ZNF438: variants seen among roughly 807,000 people sequenced by gnomAD.
ZNF438 encodes zinc finger protein 438.
A neutral mutation model predicts 38.0 loss-of-function variants in ZNF438; 25 were observed. That is an observed-to-expected ratio of 0.66 (90% CI 0.48 to 0.92). The LOEUF (loss-of-function observed/expected upper bound fraction) is 0.92. Among genes scored for constraint, ZNF438 ranks in the 40% least tolerant of loss-of-function variants. The pLI is 0.00. For missense variants in ZNF438, 1,007 were observed against 999.6 expected (o/e 1.01, Z -0.10); for synonymous variants, 372 against 364.1 (o/e 1.02, Z -0.25).
At chr10:30,967,863 G>A (rs2050297796) in intron 1 of ZNF438, among the ~76,000 whole-genome samples, 1 of 152,162 alleles carries the variant, frequency 6.6e-6, no homozygotes, top group African/African-American at 2.4e-5. Flanking sequence ...AGTAAGATCA[G>A]AAGGAACTAC....
chr10:31,031,822 C>T lies in ZNF438; in HGVS notation c.-192+11G>A, dbSNP rs2057316597. Reference sequence around the variant, plus strand: ...AAGCCCTAGGAGCTGCAGGAATCCTCGTAAACTTACAGTTTTCCTACAGCG... The same window carrying T: ...AAGCCCTAGGAGCTGCAGGAATCCTTGTAAACTTACAGTTTTCCTACAGCG... On this transcript the variant is annotated intron_variant, in intron 1 of 5. Coordinates refer to ENST00000413025, the Ensembl canonical transcript of ZNF438. 6.5e-6 allele frequency: 1 copy of T among 152,804 alleles called. No individual in the cohort carries two copies. Among genetic ancestry groups the T allele is most frequent in the African/African-American group, 2.4e-5 (1 of 41,456 alleles). The allele number at this position is 152,804 out of a possible 1,614,324, so 9.5% of individuals were successfully genotyped here. A position where few individuals can be genotyped will look rare whatever the true frequency, so the allele number is the denominator to read the frequency against.
At chr10:30,929,905 C>G (rs1434580169) in intron 2 of ZNF438, among the ~76,000 whole-genome samples, 1 of 152,210 alleles carries the variant, frequency 6.6e-6, no homozygotes, top group Non-Finnish European at 1.5e-5. Context: ...AAACCCCAAG[C>G]TAGACACAGA....
At chr10:30,923,272 T>C (rs1332131396) in intron 2 of ZNF438, 1 of 152,208 alleles carries the variant, frequency 6.6e-6, no homozygotes, top group Non-Finnish European at 1.5e-5. Context: ...TAAATGTATA[T>C]TTGACTTTGC....
At chr10:30,916,263 A>G (rs1356395191) in intron 2 of ZNF438, among the ~76,000 whole-genome samples, 2 of 152,082 alleles carry the variant, frequency 1.3e-5, no homozygotes, top group African/African-American at 4.8e-5. Context: ...CCTACTTCTC[A>G]TATTTTGCAT....
Position 30,937,993 on chromosome 10 carries a change from C to T in ZNF438, c.-115+3582G>A, listed in dbSNP as rs187781273. Reference sequence around the variant, plus strand: ...TCAACCCTGGATGATATCAGAACCACGAGGGGAGCTTTAAAAAACAAACAG... The same window carrying T: ...TCAACCCTGGATGATATCAGAACCATGAGGGGAGCTTTAAAAAACAAACAG... On this transcript the variant is annotated intron_variant, in intron 2 of 5. Transcript: ENST00000413025. Among the ~76,000 whole-genome samples the T allele has an allele frequency of 2.2e-4, 33 of 152,160 alleles. No individual in the cohort carries two copies. In the East Asian group the frequency reaches 2.7e-3, roughly 12 times the overall value.
At chr10:31,004,390 A>G (rs1252802945) in intron 1 of ZNF438, among the ~76,000 whole-genome samples, 2 of 152,238 alleles carry the variant, frequency 1.3e-5, no homozygotes, top group Non-Finnish European at 2.9e-5. Context: ...AAAATGGTCA[A>G]CTAGAATGGG....
intron 3 of ZNF438, among the ~76,000 whole-genome samples, chr10:30,879,866 T>C (rs904212156): frequency 1.6e-4 from 25 of 151,940 alleles, no homozygotes; most frequent in Non-Finnish European, 2.6e-4. Flanking sequence ...CATACCAGTA[T>C]TTGAAGAGGG....
chr10:31,007,534 C>T (rs1334848403), intron 1 of ZNF438, among the ~76,000 whole-genome samples: 1 of 152,132 alleles, frequency 6.6e-6, no homozygotes, highest in African/African-American at 2.4e-5. Flanking sequence ...CCCGCCTTGG[C>T]CTCCCAAAGT....
chr10:30,927,948 A>G (rs1053871236), intron 2 of ZNF438, among the ~76,000 whole-genome samples: 13 of 152,228 alleles, frequency 8.5e-5, no homozygotes, highest in Non-Finnish European at 1.6e-4. Flanking sequence ...AGCAAAAGCA[A>G]TTCAGCATAA....
chr10:30,883,635 CA>C (rs957582640), intron 3 of ZNF438, among the ~76,000 whole-genome samples: 31 of 152,204 alleles, frequency 2.0e-4, no homozygotes, highest in African/African-American at 7.2e-4. Flanking sequence ...CTTTTGGGGG[CA>C]GAGGTGGAAG....
chr10:30,887,381 CTT>C (rs751482193), intron 3 of ZNF438, among the ~76,000 whole-genome samples: 12 of 151,294 alleles, frequency 7.9e-5, no homozygotes, highest in Non-Finnish European at 1.5e-4. Context: ...GTAATAAACT[CTT>C]TTTTTTTGAG....
intron 4 of ZNF438, chr10:30,857,803 A>C (rs1324960323): frequency 8.1e-6 from 11 of 1,363,386 alleles, no homozygotes; most frequent in Non-Finnish European, 1.1e-5. Flanking sequence ...TTACATGTTA[A>C]AGGCAGTGGA....
chr10:30,945,606 T>C (rs1468614006), intron 1 of ZNF438, among the ~76,000 whole-genome samples: 4 of 146,302 alleles, frequency 2.7e-5, no homozygotes, highest in Non-Finnish European at 3.0e-5. Flanking sequence ...CCTGTGTCCA[T>C]GTGATCTCAT....
intron 1 of ZNF438, among the ~76,000 whole-genome samples, chr10:31,029,413 A>C (rs2057140522): frequency 6.6e-6 from 1 of 152,198 alleles, no homozygotes; most frequent in South Asian, 2.1e-4. Flanking sequence ...TTTCCTCAGT[A>C]AACAGCACCA....
intron 3 of ZNF438, among the ~76,000 whole-genome samples, chr10:30,900,794 A>G (rs1190572502): frequency 6.6e-6 from 1 of 152,216 alleles, no homozygotes; most frequent in African/African-American, 2.4e-5. Flanking sequence ...AATGCTCATC[A>G]ATAATAAAAA....
chr10:30,902,384 A>G (rs924992368), intron 3 of ZNF438, among the ~76,000 whole-genome samples: 1 of 152,206 alleles, frequency 6.6e-6, no homozygotes, highest in African/African-American at 2.4e-5. Context: ...AGCTAGACAG[A>G]GTGCTGATTC....
intron 1 of ZNF438, among the ~76,000 whole-genome samples, chr10:31,017,583 A>G (rs181600635): frequency 1.6e-4 from 24 of 152,328 alleles, no homozygotes; most frequent in Admixed American, 1.3e-3. Flanking sequence ...CTGGTCATAG[A>G]TATTAAGCTT....
chr10:30,850,420 G>C, intron 4 of ZNF438, 53 bp from the exon 6 acceptor site: 1 of 1,544,458 alleles, frequency 6.5e-7, no homozygotes, highest in Non-Finnish European at 8.8e-7. Flanking sequence ...TTCTGTTAGT[G>C]ATACTTCAAA....
At chr10:31,013,900 G>A (rs1564849542) in intron 1 of ZNF438, among the ~76,000 whole-genome samples, 1 of 152,144 alleles carries the variant, frequency 6.6e-6, no homozygotes, top group Non-Finnish European at 1.5e-5. Flanking sequence ...CCGAAAAAGA[G>A]TTAAAACTGT....
Sources: allele counts gnomAD v4.1 joint callset (sites outside exome capture counted in the v4.1 genomes callset), GRCh38; gene constraint gnomAD v4.1.1; transcripts MANE v1.5; gene names NCBI Gene and HGNC (gene_info 2026-07-23, HGNC 2026-07-21).